FRMD4A: variants seen among roughly 807,000 people sequenced by gnomAD.
FRMD4A encodes the protein FERM domain containing 4A.
A neutral mutation model predicts 129.1 loss-of-function variants in FRMD4A; 29 were observed. The ratio of observed to expected loss-of-function variants is 0.22; its 90% CI spans 0.17 to 0.31. The LOEUF is 0.31. Among genes scored for constraint, FRMD4A ranks in the 10% least tolerant of loss-of-function variants. The pLI is 1.00. For synonymous variants in FRMD4A, 634 were observed against 571.6 expected (o/e 1.11, Z -1.56); for missense variants, 1,272 against 1,375.8 (o/e 0.92, Z 1.19).
At chr10:14,323,931 A>G (rs1161134520) in intron 2 of FRMD4A, among the ~76,000 whole-genome samples, 1 of 152,234 alleles carries the variant, frequency 6.6e-6, no homozygotes, top group Non-Finnish European at 1.5e-5. Context: ...AGAATCTGCC[A>G]GAAAATGAAG....
chr10:14,010,242 G>T (rs1309039259), intron 2 of FRMD4A, among the ~76,000 whole-genome samples: 1 of 152,168 alleles, frequency 6.6e-6, no homozygotes, highest in African/African-American at 2.4e-5. Flanking sequence ...CTGTTTCCCA[G>T]GGGTATTAAT....
chr10:14,108,504 T>C lies in FRMD4A; in HGVS notation c.45+221554A>G, dbSNP rs370967942. 2.6e-5 allele frequency among the ~76,000 whole-genome samples: 4 copies of C among 152,340 alleles called. No individual in the cohort carries two copies. The East Asian group carries it at 7.7e-4, about 29-fold the overall frequency. On this transcript the variant is annotated intron_variant, in intron 2 of 24. Coordinates refer to ENST00000357447, the MANE Select transcript of FRMD4A (RefSeq NM_018027.5). ...TGGAAATGGGTCTGAATTGGAATGT[T>C]GCCTTAATGAACATGTGTATACAGC...
intron 2 of FRMD4A, among the ~76,000 whole-genome samples, chr10:14,049,024 C>A (rs1283854609): frequency 6.6e-6 from 1 of 152,088 alleles, no homozygotes; most frequent in African/African-American, 2.4e-5. Flanking sequence ...TTGCAGCCAC[C>A]AGAGTTCTGT....
chr10:13,753,964 T>A (rs1207708105), intron 8 of FRMD4A, among the ~76,000 whole-genome samples: 1 of 152,182 alleles, frequency 6.6e-6, no homozygotes, highest in Non-Finnish European at 1.5e-5. Flanking sequence ...ATGTTAGGTA[T>A]AAACATGTAA....
At chr10:14,270,771 G>C (rs1031514371) in intron 2 of FRMD4A, among the ~76,000 whole-genome samples, 1 of 152,182 alleles carries the variant, frequency 6.6e-6, no homozygotes, top group Admixed American at 6.5e-5. Context: ...ATACATAAGA[G>C]TGACGTTCCC....
At chr10:13,683,562 G>C (rs1478189869) in intron 15 of FRMD4A, among the ~76,000 whole-genome samples, 1 of 151,890 alleles carries the variant, frequency 6.6e-6, no homozygotes, top group African/African-American at 2.4e-5. Flanking sequence ...ACACCACTGC[G>C]CTCCAGCCTG....
chr10:13,963,750 G>T (rs920006105), intron 2 of FRMD4A, among the ~76,000 whole-genome samples: 1 of 152,296 alleles, frequency 6.6e-6, no homozygotes, highest in South Asian at 2.1e-4. Flanking sequence ...AGGTTGGTAG[G>T]TGTTCTTATA....
intron 12 of FRMD4A, among the ~76,000 whole-genome samples, chr10:13,733,921 GTC>G (rs1180202822): frequency 1.3e-5 from 2 of 152,166 alleles, no homozygotes; most frequent in African/African-American, 4.8e-5. Context: ...CCTCTGTCCA[GTC>G]TCTGGTTCAG....
intron 2 of FRMD4A, among the ~76,000 whole-genome samples, chr10:14,209,983 C>T (rs918845287): frequency 1.3e-5 from 2 of 152,110 alleles, no homozygotes; most frequent in South Asian, 2.1e-4. Flanking sequence ...AGGAGAGTGA[C>T]AAAGAGAGAA....
chr10:14,225,006 C>T (rs1014258284), intron 2 of FRMD4A, among the ~76,000 whole-genome samples: 13 of 152,124 alleles, frequency 8.5e-5, no homozygotes, highest in African/African-American at 2.7e-4. Flanking sequence ...AACATCTGAA[C>T]TCTAAAAATC....
At chr10:14,212,507 G>A (rs769044986) in intron 2 of FRMD4A, among the ~76,000 whole-genome samples, 11 of 152,106 alleles carry the variant, frequency 7.2e-5, no homozygotes, top group Non-Finnish European at 1.3e-4. Context: ...AAACTCCTTA[G>A]TCTCTGTGAT....
chr10:13,704,336 T>C (rs540581117), intron 13 of FRMD4A, among the ~76,000 whole-genome samples: 1 of 152,200 alleles, frequency 6.6e-6, no homozygotes, highest in Non-Finnish European at 1.5e-5. Context: ...CATTCCTGCC[T>C]GTCTGCAGGC....
chr10:14,036,588 C>G (rs1473991115), intron 2 of FRMD4A, among the ~76,000 whole-genome samples: 1 of 152,118 alleles, frequency 6.6e-6, no homozygotes, highest in Non-Finnish European at 1.5e-5. Context: ...TGATTTTTAC[C>G]TCTTCTCTAA....
chr10:14,049,992 C>G (rs1391060384), intron 2 of FRMD4A, among the ~76,000 whole-genome samples: 2 of 152,220 alleles, frequency 1.3e-5, no homozygotes. Flanking sequence ...TTACTGAGCA[C>G]CTACGACACG....
At chr10:13,842,222 C>T (rs149043412) in intron 3 of FRMD4A, among the ~76,000 whole-genome samples, 80 of 152,322 alleles carry the variant, frequency 5.3e-4, no homozygotes, top group African/African-American at 1.8e-3. Context: ...GATTCTGTGA[C>T]CCATTTCTAT....
At chr10:14,104,371 C>G (rs918067334) in intron 2 of FRMD4A, among the ~76,000 whole-genome samples, 80 of 151,782 alleles carry the variant, frequency 5.3e-4, no homozygotes, top group African/African-American at 1.9e-3. Context: ...GTGCTCACTT[C>G]CCTGCTCTAG....
intron 2 of FRMD4A, among the ~76,000 whole-genome samples, chr10:14,038,373 T>A (rs367615689): frequency 2.4e-4 from 37 of 152,284 alleles, no homozygotes; most frequent in African/African-American, 8.7e-4. Context: ...TTTACAAGAA[T>A]CTTTATTAAT....
At chr10:13,982,474 G>C (rs1465753953) in intron 2 of FRMD4A, among the ~76,000 whole-genome samples, 11 of 140,392 alleles carry the variant, frequency 7.8e-5, no homozygotes, top group Non-Finnish European at 3.1e-5. Flanking sequence ...GGAAGGGGAG[G>C]GGAGGGGAGG....
At chr10:13,787,302 C>T (rs774762169) in intron 5 of FRMD4A, among the ~76,000 whole-genome samples, 2 of 152,156 alleles carry the variant, frequency 1.3e-5, no homozygotes, top group Non-Finnish European at 2.9e-5. Context: ...CCCTCCCTGC[C>T]AGGGAACGGC....
Sources: gnomAD v4.1 joint callset for allele counts (sites outside exome capture counted in the v4.1 genomes callset) on GRCh38, gnomAD v4.1.1 for gene constraint, MANE v1.5 for transcripts, NCBI Gene and HGNC (gene_info 2026-07-23, HGNC 2026-07-21) for gene names.